The following MCUR1 variants were observed in gnomAD, a reference collection of about 807,000 sequenced individuals.
MCUR1 encodes MCU regulator 1.
In MCUR1, 37 loss-of-function variants were observed where a neutral mutation model predicts 42.0. That is an observed-to-expected ratio of 0.88 (90% CI 0.68 to 1.16). The LOEUF (loss-of-function observed/expected upper bound fraction) is 1.16, where lower values mean the gene tolerates loss of function less well. Among genes scored for constraint, MCUR1 ranks in the 50% most tolerant of loss-of-function variants. The pLI, the probability that MCUR1 is intolerant of heterozygous loss-of-function variation, is 0.00. For missense variants in MCUR1, 469 were observed against 468.4 expected, an observed-to-expected ratio of 1.00 and a Z score of -0.01; for synonymous variants, 229 against 196.2, an observed-to-expected ratio of 1.17 and a Z score of -1.40.
intron 1 of MCUR1, among the ~76,000 whole-genome samples, chr6:13,809,982 A>G (rs919920519): frequency 1.3e-5 from 2 of 152,228 alleles, no homozygotes; most frequent in Admixed American, 1.3e-4. Flanking sequence ...AGGCAGATGG[A>G]TCATGAGGTC....
intron 1 of MCUR1, among the ~76,000 whole-genome samples, chr6:13,810,844 G>A (rs1760217314): frequency 2.0e-5 from 3 of 152,210 alleles, no homozygotes; most frequent in Admixed American, 6.5e-5. Context: ...GTGTTTGTTG[G>A]TAAAACTGGG....
rs941664827 is a variant in MCUR1, at chr6:13,787,362, G to A, written c.*3447C>T. On this transcript the variant is annotated 3_prime_UTR_variant, in exon 9 of 9. Coordinates refer to ENST00000379170, the MANE Select transcript of MCUR1 (RefSeq NM_001031713.4). Reference sequence around the variant, plus strand: ...AACCGAGGTGCTTGGCATACTTAACGGAAAAAGCGAGTACATTCAGATTTA... The same window carrying A: ...AACCGAGGTGCTTGGCATACTTAACAGAAAAAGCGAGTACATTCAGATTTA... 1.1e-4 allele frequency: 17 copies of A among 152,060 alleles called. No individual in the cohort carries two copies. The highest frequency in any genetic ancestry group is 1.9e-4 in the African/African-American group (8 of 41,408). The allele number at this position is 152,060 out of a possible 1,614,324, so 9.4% of individuals were successfully genotyped here. A position where few individuals can be genotyped will look rare whatever the true frequency, so the allele number is the denominator to read the frequency against.
chr6:13,808,871 A>G lies in MCUR1; in HGVS notation c.416-1827T>C, dbSNP rs759323458. ...TGATCTATGTGTTTGTCCTTACGCCAGTGCCACACTTTCTTGATTACTTTT... is the reference window on the plus strand; with the variant it reads ...TGATCTATGTGTTTGTCCTTACGCCGGTGCCACACTTTCTTGATTACTTTT... On this transcript the variant is annotated intron_variant, in intron 1 of 8. Coordinates refer to ENST00000379170, the MANE Select transcript of MCUR1 (RefSeq NM_001031713.4). 1.4e-3 allele frequency among the ~76,000 whole-genome samples: 215 copies of G among 152,254 alleles called. 1 individual carries two copies. The highest frequency in any genetic ancestry group is 3.4e-3 in the Middle Eastern group (1 of 294).
chr6:13,797,014 G>C (rs1365576771), intron 6 of MCUR1, among the ~76,000 whole-genome samples: 1 of 152,182 alleles, frequency 6.6e-6, no homozygotes, highest in Admixed American at 6.5e-5. Flanking sequence ...TATGGGTGGA[G>C]ACTGTTGTTG....
chr6:13,806,379 A>G (rs1760112746), intron 2 of MCUR1, among the ~76,000 whole-genome samples: 1 of 152,268 alleles, frequency 6.6e-6, no homozygotes, highest in African/African-American at 2.4e-5. Flanking sequence ...TAATAAAACT[A>G]TCACTTCTGT....
chr6:13,797,254 T>G (rs1001874896), intron 6 of MCUR1, among the ~76,000 whole-genome samples: 4 of 152,226 alleles, frequency 2.6e-5, no homozygotes, highest in Non-Finnish European at 5.9e-5. Flanking sequence ...TATTCAGTTT[T>G]GTGTTAGTGC....
At chr6:13,810,748 AGT>A (rs905757276) in intron 1 of MCUR1, among the ~76,000 whole-genome samples, 2 of 152,184 alleles carry the variant, frequency 1.3e-5, no homozygotes, top group African/African-American at 4.8e-5. Flanking sequence ...CATCCAGATG[AGT>A]GCAAGAGATG....
intron 7 of MCUR1, among the ~76,000 whole-genome samples, chr6:13,793,125 C>CAAAAAAA (rs781438643): frequency 1.9e-4 from 17 of 87,768 alleles, no homozygotes; most frequent in East Asian, 3.0e-4. Flanking sequence ...GACCCCACCT[C>CAAAAAAA]AAAAAAAAAA....
In MCUR1 at chr6:13,788,028, G is replaced by A. The variant is rs1270004927; in HGVS notation, c.*2781C>T. On this transcript the variant is annotated 3_prime_UTR_variant, in exon 9 of 9. Coordinates refer to ENST00000379170, the MANE Select transcript of MCUR1 (RefSeq NM_001031713.4). ...CTCCCGAGTAGCTAGGATTACAGGG[G>A]TGTGCCACCACGCCTGGCTAATTTT... 3 of 152,206 alleles carry A rather than the reference G, an allele frequency of 2.0e-5. No individual in the cohort carries two copies. The highest frequency in any genetic ancestry group is 6.6e-5 in the Admixed American group (1 of 15,264). The allele number at this position is 152,206 out of a possible 1,614,324, so 9.4% of individuals were successfully genotyped here.
chr6:13,809,847 T>C (rs1561736816), intron 1 of MCUR1, among the ~76,000 whole-genome samples: 1 of 151,600 alleles, frequency 6.6e-6, no homozygotes, highest in Non-Finnish European at 1.5e-5. Context: ...GAGGCTGCAG[T>C]GAGCTATGAT....
intron 1 of MCUR1, among the ~76,000 whole-genome samples, chr6:13,809,123 C>G (rs1005529407): frequency 3.9e-5 from 6 of 152,112 alleles, no homozygotes; most frequent in African/African-American, 7.2e-5. Flanking sequence ...ATTTTAGGAT[C>G]TGTGTGTCAA....
rs181081153 is a variant in MCUR1 at position 13,803,993 on chromosome 6, T to C, written c.536-1647A>G. ...TTAATGTAAATAAAATTTTAAAAAA[T>C]TTTAATTAAAAAAAGAGTTCATGTT... is the stretch of plus-strand genomic sequence containing the variant. On this transcript the variant is annotated intron_variant, in intron 2 of 8. Transcript: ENST00000379170. 3,138 of 967,286 alleles carry C rather than the reference T, an allele frequency of 3.2e-3. 5 individuals carry two copies. The highest frequency in any genetic ancestry group is 3.6e-3 in the Non-Finnish European group (2,941 of 813,770). 59.9% of individuals were successfully genotyped at this position (967,286 alleles called of 1,614,324 possible).
chr6:13,798,893 G>C lies in MCUR1; in HGVS notation c.795C>G (p.Ile265Met), dbSNP rs762869084. Residue 265 changes from isoleucine to methionine, a missense_variant, in exon 6 of 9, where the codon ATC (isoleucine) becomes ATG (methionine). Physicochemically the swap from Ile to Met is conservative, Grantham distance 10 (BLOSUM62 1). Coordinates refer to ENST00000379170, the MANE Select transcript of MCUR1 (RefSeq NM_001031713.4). The part of the protein sequence containing the change: ...QLKQQVMDEV[I>M]KVRTDTKLDF... The stretch of plus-strand genomic sequence containing the variant: ...CTAATTTGGTATCTGTTCGGACTTT[G>C]ATCACTTCATCCTAAAAGGAGGGCA... 6.3e-7 allele frequency: 1 copy of C among 1,597,948 alleles called. No homozygotes were observed. Among genetic ancestry groups the C allele is most frequent in the Non-Finnish European group, 8.6e-7 (1 of 1,166,216 alleles).
At chr6:13,795,841 T>A (rs1006626763) in intron 6 of MCUR1, among the ~76,000 whole-genome samples, 1 of 151,902 alleles carries the variant, frequency 6.6e-6, no homozygotes, top group East Asian at 1.9e-4. Context: ...CTAAATAACG[T>A]CTTCATGTAA....
chr6:13,794,649 T>TC (rs370294524), intron 6 of MCUR1, among the ~76,000 whole-genome samples: 39 of 151,820 alleles, frequency 2.6e-4, no homozygotes, highest in African/African-American at 9.4e-4. Context: ...TTTTTTTTTT[T>TC]TTGGCTTGGT....
chr6:13,790,925 T>C (rs1759717470), intron 8 of MCUR1, 61 bp from the exon 9 acceptor site: 1 of 1,303,184 alleles, frequency 7.7e-7, no homozygotes, highest in Non-Finnish European at 1.1e-6. Context: ...TGAGGGAACA[T>C]CTTTTTTTAA....
intron 2 of MCUR1, chr6:13,804,342 A>G (rs539257519): frequency 1.2e-4 from 19 of 159,978 alleles, no homozygotes; most frequent in Non-Finnish European, 2.1e-4. Flanking sequence ...AAAAAAAAAA[A>G]AAAAAAGAAA....
At chr6:13,794,389 G>A (rs1759808831) in intron 6 of MCUR1, among the ~76,000 whole-genome samples, 1 of 152,074 alleles carries the variant, frequency 6.6e-6, no homozygotes, top group Non-Finnish European at 1.5e-5. Flanking sequence ...GACCAATTTC[G>A]AAGGATGCTG....
chr6:13,796,234 A>G (rs1430326392), intron 6 of MCUR1, among the ~76,000 whole-genome samples: 1 of 152,118 alleles, frequency 6.6e-6, no homozygotes, highest in Admixed American at 6.6e-5. Flanking sequence ...CTATATATCC[A>G]ATAATTTAAA....
Sources: gnomAD v4.1 joint callset for allele counts (sites outside exome capture counted in the v4.1 genomes callset) on GRCh38, gnomAD v4.1.1 for gene constraint, MANE v1.5 for transcripts, NCBI Gene and HGNC (gene_info 2026-07-23, HGNC 2026-07-21) for gene names.